STIMATE: variants seen among roughly 807,000 people sequenced by gnomAD.
The protein encoded by STIMATE is store-operated calcium entry regulator STIMATE.
STIMATE carries 15 observed loss-of-function variants against 36.7 expected under a neutral mutation model. The observed-to-expected ratio is 0.41, with a 90% CI of 0.27 to 0.63. STIMATE has a LOEUF of 0.63. Among genes scored for constraint, STIMATE ranks in the 20% least tolerant of loss-of-function variants. The pLI is 0.32. For synonymous variants in STIMATE, 163 were observed against 162.3 expected (o/e 1.00, Z -0.03); for missense variants, 305 against 397.3 (o/e 0.77, Z 1.98).
At chr3:52,858,924 C>T (rs558219750) in intron 1 of STIMATE, among the ~76,000 whole-genome samples, 8 of 151,914 alleles carry the variant, frequency 5.3e-5, no homozygotes, top group African/African-American at 9.7e-5. Flanking sequence ...TTAGGGAGGC[C>T]GAGGTGGGCA....
intron 7 of STIMATE, among the ~76,000 whole-genome samples, 153 bp downstream of exon 7, chr3:52,842,658 C>T (rs959193264): frequency 4.6e-5 from 7 of 152,242 alleles, no homozygotes; most frequent in Non-Finnish European, 1.0e-4. Flanking sequence ...CTGTCTGCCC[C>T]TCGCTCATCT....
At chr3:52,862,823 G>A (rs185188694) in intron 1 of STIMATE, among the ~76,000 whole-genome samples, 1 of 152,318 alleles carries the variant, frequency 6.6e-6, no homozygotes, top group African/African-American at 2.4e-5. Context: ...GGACTAATCT[G>A]GTGGGCTCTA....
At position 52,843,742 on chromosome 3, in the gene STIMATE, C is replaced by T. The variant is rs962908410; in HGVS notation, c.597G>A (p.Leu199=). The change falls in exon 6 of 8, where the codon CTG becomes CTA. Residue 199 remains leucine, a synonymous_variant. Coordinates refer to ENST00000355083, the MANE Select transcript of STIMATE (RefSeq NM_198563.5). ...NPDLKLAIVM[L]IVPFFVNALM... ...TGACGTTGACAAAGAAGGGGACGAT[C>T]AGCATGACGATGGCCAGCTTCAAGT... is the stretch of plus-strand genomic sequence containing the variant. 2 of 1,614,002 alleles carry T rather than the reference C, an allele frequency of 1.2e-6. No homozygotes were observed. Among genetic ancestry groups the T allele is most frequent in the Admixed American group, 3.3e-5 (2 of 60,008 alleles).
In STIMATE at chr3:52,842,834, A is replaced by G. The variant is rs1438586648; in HGVS notation, c.745T>C (p.Ser249Pro). 2 of 1,614,210 alleles carry G rather than the reference A, an allele frequency of 1.2e-6. No homozygotes were observed. The highest frequency in any genetic ancestry group is 1.7e-6 in the Non-Finnish European group (2 of 1,180,028). ...GSKVRYRRAA[S>P]HEESESEILI... is the part of the protein sequence containing the mutation. ...ACCTCAGACTCAGACTCCTCGTGGG[A>G]TGCGGCCCTCCGGTAGCGGACCTTG... Residue 249 changes from serine to proline, a missense_variant, in exon 7 of 8, where the codon TCC becomes CCC. Ser to Pro is a moderately conservative substitution (Grantham distance 74). This residue lies in a region of STIMATE where 84 missense variants were observed against 82.4 expected (regional missense o/e 1.02). Transcript: ENST00000355083.
intron 1 of STIMATE, among the ~76,000 whole-genome samples, chr3:52,887,412 A>G (rs1299456507): frequency 1.3e-5 from 2 of 152,202 alleles, no homozygotes; most frequent in African/African-American, 4.8e-5. Context: ...CCTATTCTGT[A>G]CCACACAGAC....
rs545003770 is a variant in STIMATE at position 52,866,364 on chromosome 3, C to T, written c.161-10920G>A. Among the ~76,000 whole-genome samples, 6 of 152,338 alleles carry T rather than the reference C, an allele frequency of 3.9e-5. No individual in the cohort carries two copies. In the East Asian group the frequency reaches 5.8e-4, roughly 15 times the overall value. On this transcript the variant is annotated intron_variant, in intron 1 of 7. Transcript: ENST00000355083. ...CCAGGGCACCTGCGGGGCTTGCCAC[C>T]GTCTACCGCCTTGAGGGGCCTGGCA...
At chr3:52,865,045 C>G (rs893352860) in intron 1 of STIMATE, among the ~76,000 whole-genome samples, 42 of 151,994 alleles carry the variant, frequency 2.8e-4, no homozygotes, top group African/African-American at 1.0e-3. Flanking sequence ...CTCCCGGGTT[C>G]AAGCAATTCT....
At chr3:52,860,205 A>T (rs964603504) in intron 1 of STIMATE, among the ~76,000 whole-genome samples, 4 of 151,904 alleles carry the variant, frequency 2.6e-5, no homozygotes, top group Non-Finnish European at 4.4e-5. Context: ...AGCCCCATTC[A>T]GCAGGAGATG....
chr3:52,888,600 C>T lies in STIMATE; in HGVS notation c.160+8691G>A, dbSNP rs528172042. Among the ~76,000 whole-genome samples the T allele has an allele frequency of 2.6e-5, 4 of 152,306 alleles. No individual in the cohort carries two copies. In the South Asian group the frequency reaches 8.3e-4, roughly 32 times the overall value. ...TAAATGCACTGTTACTACCTCATGC[C>T]TCTACGTCATTTCATACTATTAAAT... On this transcript the variant is annotated intron_variant, in intron 1 of 7. Coordinates refer to ENST00000355083, the MANE Select transcript of STIMATE (RefSeq NM_198563.5).
At chr3:52,871,219 G>C (rs547436340) in intron 1 of STIMATE, among the ~76,000 whole-genome samples, 9 of 152,128 alleles carry the variant, frequency 5.9e-5, no homozygotes, top group Non-Finnish European at 1.3e-4. Context: ...TCTGAAGGGG[G>C]ACCTTTTTAA....
Position 52,888,093 on chromosome 3 carries a change from A to C in STIMATE, c.160+9198T>G, listed in dbSNP as rs542015921. 3.6e-4 allele frequency among the ~76,000 whole-genome samples: 53 copies of C among 147,578 alleles called. No individual in the cohort carries two copies. In the South Asian group the frequency reaches 0.011, roughly 31 times the overall value. ...AGCCAGGGCTCTTGACAGAAAAAAA[A>C]CACTTGAATCTCCCTACACTATGTC... On this transcript the variant is annotated intron_variant, in intron 1 of 7. Transcript: ENST00000355083.
chr3:52,849,746 C>T (rs1384818401), intron 4 of STIMATE, 46 bp downstream of exon 4: 1 of 1,586,776 alleles, frequency 6.3e-7, no homozygotes, highest in Admixed American at 1.7e-5. Context: ...GAGCAGAGAC[C>T]TCCAGCAGTT....
intron 5 of STIMATE, 130 bp downstream of exon 5, chr3:52,844,699 C>G (rs1358985110): frequency 1.9e-6 from 2 of 1,034,504 alleles, no homozygotes; most frequent in Non-Finnish European, 2.8e-6. Flanking sequence ...CCACATCAGA[C>G]CAAATGCAGG....
At chr3:52,884,498 G>A (rs900639116) in intron 1 of STIMATE, among the ~76,000 whole-genome samples, 5 of 152,178 alleles carry the variant, frequency 3.3e-5, no homozygotes, top group East Asian at 1.9e-4. Context: ...CACCCGCCAC[G>A]GCCTCCCAAA....
intron 7 of STIMATE, chr3:52,841,684 C>T (rs577566529): frequency 6.5e-6 from 1 of 152,794 alleles, no homozygotes; most frequent in African/African-American, 2.4e-5. Flanking sequence ...TCCCACTGCT[C>T]CTCACCGCCT....
intron 3 of STIMATE, among the ~76,000 whole-genome samples, chr3:52,850,211 T>A (rs1332420576): frequency 1.3e-5 from 2 of 152,112 alleles, no homozygotes; most frequent in Admixed American, 1.3e-4. Flanking sequence ...GGCGGGTGGA[T>A]CACGAGGTCA....
chr3:52,843,796 CACCTGT>C lies in STIMATE; in HGVS notation c.541-4_542del. The C allele has an allele frequency of 6.2e-7, 1 of 1,612,980 alleles. No homozygotes were observed. The highest frequency in any genetic ancestry group is 8.5e-7 in the Non-Finnish European group (1 of 1,179,558). ...GGTTTTCAATGGGATTCAACAGGGC[CACCTGT>C]AAAGAGAAGCAGACTCAGTGAGGTA... On this transcript the variant is annotated splice_acceptor_variant and splice_polypyrimidine_tract_variant and coding_sequence_variant and intron_variant, in exon 6 of 8. Coordinates refer to ENST00000355083, the MANE Select transcript of STIMATE (RefSeq NM_198563.5). LOFTEE classifies it high-confidence loss of function.
At chr3:52,842,588 C>T (rs1173102065) in intron 7 of STIMATE, among the ~76,000 whole-genome samples, 2 of 152,254 alleles carry the variant, frequency 1.3e-5, no homozygotes, top group African/African-American at 4.8e-5. Flanking sequence ...CCCATCTGCT[C>T]TGCCCTCCTG....
intron 1 of STIMATE, 102 bp downstream of exon 1, chr3:52,897,189 G>T: frequency 4.2e-6 from 6 of 1,423,766 alleles, no homozygotes; most frequent in Non-Finnish European, 5.5e-6. Context: ...GGAGCAATTC[G>T]GGTCCCAAGG....
Sources: gnomAD v4.1 joint callset for allele counts (sites outside exome capture counted in the v4.1 genomes callset) on GRCh38, gnomAD v4.1.1 for gene constraint, gnomAD v4.1.1 regional missense constraint, MANE v1.5 for transcripts, NCBI Gene and HGNC (gene_info 2026-07-23, HGNC 2026-07-21) for gene names.